ADGRL2: variants seen among roughly 807,000 people sequenced by gnomAD.
ADGRL2 encodes the protein adhesion G protein-coupled receptor L2.
Under a neutral mutation model 157.4 loss-of-function variants are expected in ADGRL2, and 44 were observed. That is an observed-to-expected ratio of 0.28 (90% CI 0.22 to 0.36). ADGRL2 has a LOEUF of 0.36. Among genes scored for constraint, ADGRL2 ranks in the 10% least tolerant of loss-of-function variants. The pLI is 1.00. For missense variants in ADGRL2, 1,510 were observed against 1,768.9 expected (o/e 0.85, Z 2.63); for synonymous variants, 585 against 624.7 (o/e 0.94, Z 0.95).
chr1:81,386,416 A>G (rs1357602557), intron 1 of ADGRL2, among the ~76,000 whole-genome samples: 1 of 152,114 alleles, frequency 6.6e-6, no homozygotes, highest in East Asian at 1.9e-4. Flanking sequence ...TTATGCACCA[A>G]TACATCCTTC....
rs1238167927 is a variant in ADGRL2 at position 81,429,945 on chromosome 1, G to T, written c.-301-15091G>T. Among the ~76,000 whole-genome samples, 7 of 152,266 alleles carry T rather than the reference G, an allele frequency of 4.6e-5. No homozygotes were observed. In the East Asian group the frequency reaches 1.4e-3, roughly 29 times the overall value. On this transcript the variant is annotated intron_variant, in intron 1 of 24. Coordinates refer to the ADGRL2 transcript ENST00000370721. ...TTTTGCTCTAGTTGCCCAGGCTGGA[G>T]GGCAATGGCGCGATCTTGGCTCACC...
chr1:81,548,852 G>T (rs1394135815), intron 2 of ADGRL2, among the ~76,000 whole-genome samples: 1 of 152,144 alleles, frequency 6.6e-6, no homozygotes, highest in African/African-American at 2.4e-5. Flanking sequence ...TAAACTCCAG[G>T]CTGATGATGT....
At position 81,514,592 on chromosome 1, in the gene ADGRL2, C is replaced by T. The variant is rs1393220038; in HGVS notation, c.-247-66284C>T. 8 of 152,208 alleles carry T rather than the reference C, an allele frequency of 5.3e-5. No homozygotes were observed. In the East Asian group the frequency reaches 1.4e-3, roughly 26 times the overall value. 9.4% of individuals were successfully genotyped at this position (152,208 alleles called of 1,614,324 possible). A position where few individuals can be genotyped will look rare whatever the true frequency, so the allele number is the denominator to read the frequency against. On this transcript the variant is annotated intron_variant, in intron 2 of 24. Transcript: ENST00000370721. ...TTTCCTTCCAAACACTAGAATATTGCGAGGAAAATTCAATCCATATGTTTC... is the reference window on the plus strand; with the variant it reads ...TTTCCTTCCAAACACTAGAATATTGTGAGGAAAATTCAATCCATATGTTTC...
upstream of ADGRL2, among the ~76,000 whole-genome samples, chr1:81,697,287 G>A (rs1392754710): frequency 6.6e-6 from 1 of 152,088 alleles, no homozygotes; most frequent in Non-Finnish European, 1.5e-5. Flanking sequence ...TATGTCATAA[G>A]GACACTGTGT....
intron 2 of ADGRL2, among the ~76,000 whole-genome samples, chr1:81,848,674 T>G (rs890388793): frequency 6.6e-6 from 1 of 151,978 alleles, no homozygotes; most frequent in Non-Finnish European, 1.5e-5. Context: ...GTGAAAATTA[T>G]GTAGAGTACA....
chr1:81,641,626 A>G (rs2148804388), intron 3 of ADGRL2, among the ~76,000 whole-genome samples: 2 of 152,324 alleles, frequency 1.3e-5, no homozygotes, highest in East Asian at 3.9e-4. Flanking sequence ...AAATACTTGA[A>G]ACTAAATGAA....
intron 3 of ADGRL2, among the ~76,000 whole-genome samples, chr1:81,604,663 C>G (rs1429511895): frequency 6.6e-6 from 1 of 152,088 alleles, no homozygotes; most frequent in Non-Finnish European, 1.5e-5. Flanking sequence ...AGCTGGCCAC[C>G]CTACCAAGGG....
chr1:81,370,894 C>G (rs2076150501), intron 1 of ADGRL2, among the ~76,000 whole-genome samples: 1 of 152,038 alleles, frequency 6.6e-6, no homozygotes. Flanking sequence ...ATGAGAAAAA[C>G]ATATTAGGCC....
intron 3 of ADGRL2, among the ~76,000 whole-genome samples, chr1:81,911,690 G>A (rs1392973999): frequency 1.3e-5 from 2 of 152,180 alleles, no homozygotes; most frequent in Non-Finnish European, 2.9e-5. Flanking sequence ...AATATTAAAT[G>A]TGAGTTTCAC....
chr1:81,970,169 A>C (rs1367199424), intron 15 of ADGRL2, 145 bp from the exon 16 acceptor site: 1 of 641,400 alleles, frequency 1.6e-6, no homozygotes, highest in Non-Finnish European at 2.7e-6. Context: ...TTACGAAAAA[A>C]ATATTTTCAG....
chr1:81,435,400 C>T (rs754596068), intron 1 of ADGRL2, among the ~76,000 whole-genome samples: 1 of 152,240 alleles, frequency 6.6e-6, no homozygotes, highest in East Asian at 1.9e-4. Context: ...CCTCCAATCT[C>T]TCTGTGAGGA....
At chr1:81,757,292 T>C (rs1253919087) in intron 1 of ADGRL2, among the ~76,000 whole-genome samples, 1 of 152,150 alleles carries the variant, frequency 6.6e-6, no homozygotes, top group Non-Finnish European at 1.5e-5. Flanking sequence ...TATTCTTTAA[T>C]AGTAAAAATA....
intron 2 of ADGRL2, among the ~76,000 whole-genome samples, chr1:81,888,262 T>C (rs2094173784): frequency 6.6e-6 from 1 of 152,132 alleles, no homozygotes; most frequent in Non-Finnish European, 1.5e-5. Context: ...TTGACAGTGC[T>C]CATACAACAT....
chr1:81,767,447 G>A (rs898634889), intron 2 of ADGRL2, among the ~76,000 whole-genome samples: 3 of 152,118 alleles, frequency 2.0e-5, no homozygotes, highest in African/African-American at 7.2e-5. Context: ...TAACTAGAAA[G>A]TGCTACTAAA....
rs149779717 is a variant in ADGRL2 at position 81,388,707 on chromosome 1, C to G, written c.-301-56329C>G. On this transcript the variant is annotated intron_variant, in intron 1 of 24. Transcript: ENST00000370721. ...GAAGTGGGCCCTCACATCGGATCTG[C>G]GGGTACCTTGATCTTGAACTTCCCA... Among the ~76,000 whole-genome samples, 9 of 152,180 alleles carry G rather than the reference C, an allele frequency of 5.9e-5. No individual in the cohort carries two copies. The East Asian group carries it at 1.7e-3, about 29-fold the overall frequency.
chr1:81,950,738 C>T lies in ADGRL2; in HGVS notation c.1504+256C>T, dbSNP rs191856441. Among the ~76,000 whole-genome samples, 401 of 152,242 alleles carry T rather than the reference C, an allele frequency of 2.6e-3. 5 individuals carry two copies. Among genetic ancestry groups the T allele is most frequent in the South Asian group, 1.4e-3 (7 of 4,832 alleles). Reference sequence around the variant, plus strand: ...TTGCCCCAAGACTCTAGTGAGTCTTCCTTACAGCTGCCTTTCTCATTATAA... The same window carrying T: ...TTGCCCCAAGACTCTAGTGAGTCTTTCTTACAGCTGCCTTTCTCATTATAA... On this transcript the variant is annotated intron_variant, in intron 7 of 23. Transcript: ENST00000686636.
chr1:81,670,009 C>T (rs939037514), intron 3 of ADGRL2, among the ~76,000 whole-genome samples: 1 of 151,106 alleles, frequency 6.6e-6, no homozygotes, highest in Admixed American at 6.6e-5. Flanking sequence ...AAACTGAGAC[C>T]TGGGGGAAGG....
intron 1 of ADGRL2, among the ~76,000 whole-genome samples, chr1:81,443,483 CAT>C (rs796184371): frequency 1.4e-3 from 209 of 151,780 alleles, no homozygotes; most frequent in African/African-American, 4.8e-3. Flanking sequence ...CATAGGTAGT[CAT>C]ATCTTGATTA....
chr1:81,753,370 G>A (rs1230036548), intron 1 of ADGRL2, among the ~76,000 whole-genome samples: 5 of 152,094 alleles, frequency 3.3e-5, no homozygotes, highest in East Asian at 1.9e-4. Context: ...AGAATAGCAC[G>A]GGAAATACCC....
Sources: gnomAD v4.1 joint callset for allele counts (sites outside exome capture counted in the v4.1 genomes callset) on GRCh38, gnomAD v4.1.1 for gene constraint, MANE v1.5 for transcripts, NCBI Gene and HGNC (gene_info 2026-07-23, HGNC 2026-07-21) for gene names.